The following ZNF385B variants were observed in gnomAD, a reference collection of about 807,000 sequenced individuals.
The protein encoded by ZNF385B is zinc finger protein 533.
In ZNF385B, 23 loss-of-function variants were observed where a neutral mutation model predicts 39.2. The ratio of observed to expected loss-of-function variants is 0.59; its 90% CI spans 0.42 to 0.83. ZNF385B has a LOEUF of 0.83. Ranked by LOEUF, ZNF385B falls within the 40% of genes least tolerant of loss-of-function variation. The pLI is 0.00. For synonymous variants in ZNF385B, 205 were observed against 222.6 expected (o/e 0.92, Z 0.70); for missense variants, 552 against 598.9 (o/e 0.92, Z 0.82).
chr2:179,484,674 CATGAGGT>C (rs1203746444), intron 5 of ZNF385B, among the ~76,000 whole-genome samples: 1 of 151,858 alleles, frequency 6.6e-6, no homozygotes. Flanking sequence ...TTCACACATA[CATGAGGT>C]AAGAAGTTCA....
At chr2:179,567,621 T>C (rs1684748293) in intron 3 of ZNF385B, among the ~76,000 whole-genome samples, 1 of 152,196 alleles carries the variant, frequency 6.6e-6, no homozygotes, top group Non-Finnish European at 1.5e-5. Flanking sequence ...GAACAATGCC[T>C]TGCACATATT....
intron 1 of ZNF385B, among the ~76,000 whole-genome samples, chr2:179,805,570 G>T (rs59522528): frequency 6.6e-6 from 1 of 152,024 alleles, no homozygotes; most frequent in Non-Finnish European, 1.5e-5. Flanking sequence ...GTTTCAAGGC[G>T]TGGGTTTGAA....
chr2:179,733,983 T>C (rs142582675), intron 3 of ZNF385B, among the ~76,000 whole-genome samples: 6 of 152,240 alleles, frequency 3.9e-5, no homozygotes, highest in Admixed American at 1.3e-4. Flanking sequence ...CATACACACA[T>C]ACAAACATAC....
chr2:179,837,671 G>A (rs1040774533), intron 1 of ZNF385B, among the ~76,000 whole-genome samples: 5 of 152,058 alleles, frequency 3.3e-5, no homozygotes, highest in Admixed American at 2.6e-4. Context: ...TCGAGTTTAC[G>A]CATTTTATAT....
At chr2:179,658,175 A>G (rs1694012029) in intron 3 of ZNF385B, among the ~76,000 whole-genome samples, 1 of 152,244 alleles carries the variant, frequency 6.6e-6, no homozygotes. Context: ...AGGTCATGAA[A>G]CAGCATGTCT....
intron 5 of ZNF385B, among the ~76,000 whole-genome samples, chr2:179,497,385 A>T (rs10174356): frequency 0.017 from 2,609 of 152,226 alleles, 65 homozygotes; most frequent in African/African-American, 0.06. Flanking sequence ...AATAGAAACA[A>T]CAAAAAGTTA....
chr2:179,615,380 C>A (rs1689647584), intron 3 of ZNF385B, among the ~76,000 whole-genome samples: 1 of 152,142 alleles, frequency 6.6e-6, no homozygotes, highest in African/African-American at 2.4e-5. Flanking sequence ...AGCAATATCC[C>A]AGAACTTGTT....
intron 1 of ZNF385B, among the ~76,000 whole-genome samples, chr2:179,785,804 G>A (rs1488361925): frequency 6.6e-6 from 1 of 152,100 alleles, no homozygotes; most frequent in Non-Finnish European, 1.5e-5. Context: ...TGTGAACATC[G>A]CTGAAATGAC....
Position 179,483,413 on chromosome 2 carries a change from T to C in ZNF385B, c.574A>G (p.Lys192Glu). ...NSDSQAEAHY[K>E]GSKHAKKVKA... ...ACCTTCTTGGCATGTTTACTTCCTT[T>C]GTAGTGGGCCTCGGCCTGGCTCTAC... The change falls in exon 6 of 10, where the codon AAA becomes GAA. Residue 192 changes from lysine (K) to glutamate (E), a missense_variant. By Grantham distance (56) the Lys-to-Glu change is moderately conservative. Transcript: ENST00000410066. 6.2e-7 allele frequency: 1 copy of C among 1,614,044 alleles called. No individual in the cohort carries two copies. The highest frequency in any genetic ancestry group is 2.2e-5 in the East Asian group (1 of 44,880).
At chr2:179,447,854 G>T (rs1028878788) in intron 6 of ZNF385B, among the ~76,000 whole-genome samples, 8 of 152,124 alleles carry the variant, frequency 5.3e-5, no homozygotes, top group Admixed American at 4.6e-4. Flanking sequence ...ATGTTACAAG[G>T]TTCTGTATAT....
chr2:179,523,917 G>A (rs2058684920), intron 4 of ZNF385B, among the ~76,000 whole-genome samples: 1 of 152,038 alleles, frequency 6.6e-6, no homozygotes, highest in South Asian at 2.1e-4. Context: ...CAAGTAGCTA[G>A]GACTACAGGC....
intron 4 of ZNF385B, among the ~76,000 whole-genome samples, chr2:179,528,256 C>G (rs564970714): frequency 1.2e-3 from 176 of 152,286 alleles, no homozygotes; most frequent in South Asian, 3.3e-3. Context: ...GACAACTGAT[C>G]TCAGAGCTAC....
intron 3 of ZNF385B, among the ~76,000 whole-genome samples, chr2:179,680,309 T>C (rs1384167585): frequency 1.3e-5 from 2 of 152,172 alleles, no homozygotes; most frequent in Admixed American, 6.5e-5. Flanking sequence ...ATTTGAAATA[T>C]GAAATACTGT....
At chr2:179,524,467 A>G (rs889473034) in intron 4 of ZNF385B, among the ~76,000 whole-genome samples, 2 of 145,586 alleles carry the variant, frequency 1.4e-5, no homozygotes, top group African/African-American at 5.1e-5. Context: ...CAGGAGAATG[A>G]CGTGAACCTG....
chr2:179,744,784 T>C (rs1202200283), intron 3 of ZNF385B, among the ~76,000 whole-genome samples: 1 of 152,106 alleles, frequency 6.6e-6, no homozygotes, highest in Non-Finnish European at 1.5e-5. Flanking sequence ...CCTAATATAC[T>C]AAACAGACAC....
intron 3 of ZNF385B, among the ~76,000 whole-genome samples, chr2:179,653,037 AT>A (rs951949881): frequency 6.6e-6 from 1 of 152,258 alleles, no homozygotes. Context: ...TATATGCTCA[AT>A]AAAAATTTTT....
At chr2:179,683,310 A>G (rs1208002835) in intron 3 of ZNF385B, among the ~76,000 whole-genome samples, 1 of 151,806 alleles carries the variant, frequency 6.6e-6, no homozygotes, top group East Asian at 2.0e-4. Context: ...GAATCACTTG[A>G]ACCTGGGAGG....
intron 4 of ZNF385B, among the ~76,000 whole-genome samples, chr2:179,539,781 A>AT (rs778383634): frequency 5.3e-5 from 8 of 152,032 alleles, no homozygotes; most frequent in Non-Finnish European, 1.2e-4. Flanking sequence ...AGAAAAAAAG[A>AT]TTTTTTCTGT....
intron 1 of ZNF385B, among the ~76,000 whole-genome samples, chr2:179,807,114 T>C (rs1046748168): frequency 1.3e-5 from 2 of 152,214 alleles, no homozygotes; most frequent in Admixed American, 1.3e-4. Flanking sequence ...TGTCCGTTTC[T>C]ACCATGTTTG....
Sources: allele counts gnomAD v4.1 joint callset (sites outside exome capture counted in the v4.1 genomes callset), GRCh38; gene constraint gnomAD v4.1.1; transcripts MANE v1.5; gene names NCBI Gene and HGNC (gene_info 2026-07-23, HGNC 2026-07-21).